Variants in MYO16 observed in about 807,000 individuals in gnomAD.
The protein encoded by MYO16 is unconventional myosin-XVI.
Under a neutral mutation model 205.3 loss-of-function variants are expected in MYO16, and 94 were observed. The observed-to-expected ratio is 0.46, with a 90% CI of 0.39 to 0.54. The LOEUF is 0.54. Ranked by LOEUF, MYO16 falls within the 20% of genes least tolerant of loss-of-function variation. MYO16 has a pLI of 0.00. For synonymous variants in MYO16, 988 were observed against 954.0 expected (o/e 1.04, Z -0.66); for missense variants, 2,315 against 2,387.5 (o/e 0.97, Z 0.63).
At chr13:108,581,763 G>A in the MYO16 span, among the ~76,000 whole-genome samples, 1 of 151,632 alleles carries the variant, frequency 6.6e-6, no homozygotes, top group Non-Finnish European at 1.5e-5. Context: ...GTGGGCACCT[G>A]TATTCCAGCT....
intron 20 of MYO16, among the ~76,000 whole-genome samples, chr13:108,990,601 A>G (rs1035093475): frequency 1.3e-5 from 2 of 152,164 alleles, no homozygotes; most frequent in African/African-American, 4.8e-5. Context: ...TGTACACACT[A>G]TGAGTTATAA....
At chr13:108,575,334 G>A in the MYO16 span, among the ~76,000 whole-genome samples, 9 of 152,244 alleles carry the variant, frequency 5.9e-5, no homozygotes, top group East Asian at 5.8e-4. Context: ...GTCCTAGGAC[G>A]ACATCATACA....
intron 11 of MYO16, among the ~76,000 whole-genome samples, chr13:108,860,701 TC>T (rs1878410298): frequency 6.6e-6 from 1 of 152,140 alleles, no homozygotes; most frequent in African/African-American, 2.4e-5. Flanking sequence ...AGGAAAAGAT[TC>T]CCTCTTCAAT....
At chr13:108,985,645 G>A (rs1884601446) in intron 20 of MYO16, among the ~76,000 whole-genome samples, 1 of 152,210 alleles carries the variant, frequency 6.6e-6, no homozygotes, top group African/African-American at 2.4e-5. Flanking sequence ...CATCTTGCTG[G>A]TAATTTGCTT....
At chr13:108,706,228 T>G (rs913087552) in intron 2 of MYO16, among the ~76,000 whole-genome samples, 5 of 152,154 alleles carry the variant, frequency 3.3e-5, no homozygotes, top group Non-Finnish European at 4.4e-5. Flanking sequence ...ATGTGACAAA[T>G]TAAAATTGAA....
chr13:108,708,150 A>C (rs1459310781), intron 2 of MYO16, among the ~76,000 whole-genome samples: 4 of 152,152 alleles, frequency 2.6e-5, no homozygotes, highest in Admixed American at 2.6e-4. Flanking sequence ...ATACATCCTA[A>C]AGTTTGAGCT....
At chr13:109,053,704 C>T (rs1243463870) in intron 25 of MYO16, among the ~76,000 whole-genome samples, 1 of 152,102 alleles carries the variant, frequency 6.6e-6, no homozygotes, top group Non-Finnish European at 1.5e-5. Flanking sequence ...GGACAGACAG[C>T]TATTTATTAT....
chr13:109,161,662 C>G (rs1466387308), intron 32 of MYO16, among the ~76,000 whole-genome samples: 1 of 152,086 alleles, frequency 6.6e-6, no homozygotes, highest in Non-Finnish European at 1.5e-5. Context: ...TTCCCTTATT[C>G]CCATCCAGAG....
At position 109,206,826 on chromosome 13, in the gene MYO16, C is replaced by A. The variant is rs778405798; in HGVS notation, c.5633C>A (p.Thr1878Asn). The change falls in exon 35 of 35, where the codon ACC becomes AAC. Residue 1878 changes from threonine (T) to asparagine (N), a missense_variant. Around this residue, in one of 3 missense-constraint regions of MYO16, gnomAD observed 1,097 missense variants for 1,092.0 expected, o/e 1.00. Coordinates refer to ENST00000457511, the MANE Select transcript of MYO16 (RefSeq NM_001198950.3). ...CNRLPSELWD[T>N]TI ...AGGCTGCCGTCTGAGCTCTGGGACA[C>A]CACCATTTGATGTGGCCTGAACTGC... 1.9e-6 allele frequency: 3 copies of A among 1,613,756 alleles called. No homozygotes were observed. The highest frequency in any genetic ancestry group is 2.5e-6 in the Non-Finnish European group (3 of 1,179,854).
At chr13:108,901,470 G>A (rs186815244) in intron 15 of MYO16, among the ~76,000 whole-genome samples, 29 of 152,240 alleles carry the variant, frequency 1.9e-4, no homozygotes, top group African/African-American at 1.9e-4. Flanking sequence ...GTGAAATATC[G>A]GGGGTGAATT....
chr13:108,957,901 A>G (rs1883437937), intron 17 of MYO16, 102 bp downstream of exon 17: 1 of 925,748 alleles, frequency 1.1e-6, no homozygotes, highest in Non-Finnish European at 1.7e-6. Context: ...GACATTCCAG[A>G]TGTTGCCGAG....
Position 108,723,280 on chromosome 13 carries a change from GA to G in MYO16, c.364-4158del, listed in dbSNP as rs567549074. Among the ~76,000 whole-genome samples, 458 of 152,008 alleles carry G rather than the reference GA, an allele frequency of 3.0e-3. 2 individuals carry two copies. The highest frequency in any genetic ancestry group is 0.01 in the African/African-American group (424 of 41,474). On this transcript the variant is annotated intron_variant, in intron 3 of 34. Transcript: ENST00000457511. ...TGTCTTTAACAGATGGGTGTTTTGT[GA>G]ATATTTTGTCTTAGGTTATGGCTTG... is the stretch of plus-strand genomic sequence containing the variant.
intron 4 of MYO16, among the ~76,000 whole-genome samples, chr13:108,757,441 C>A (rs1885455189): frequency 6.6e-6 from 1 of 152,116 alleles, no homozygotes; most frequent in Non-Finnish European, 1.5e-5. Flanking sequence ...GACTTACAGT[C>A]ATACTTAAAG....
At chr13:108,687,097 A>T (rs1314938603) in intron 2 of MYO16, among the ~76,000 whole-genome samples, 2 of 152,264 alleles carry the variant, frequency 1.3e-5, no homozygotes, top group Non-Finnish European at 2.9e-5. Flanking sequence ...GTTTTCAGAT[A>T]ACAAGGATTC....
the MYO16 span, among the ~76,000 whole-genome samples, chr13:108,566,572 C>T: frequency 2.6e-5 from 4 of 151,144 alleles, no homozygotes; most frequent in Non-Finnish European, 5.9e-5. Flanking sequence ...GCAGAGGTTG[C>T]AGTGAGCAGA....
At chr13:109,135,988 A>G (rs1355561080) in intron 31 of MYO16, among the ~76,000 whole-genome samples, 1 of 152,050 alleles carries the variant, frequency 6.6e-6, no homozygotes, top group Non-Finnish European at 1.5e-5. Context: ...CTTCATCTTT[A>G]GATCATGTTT....
chr13:108,535,408 A>G, the MYO16 span, among the ~76,000 whole-genome samples: 1 of 152,176 alleles, frequency 6.6e-6, no homozygotes, highest in Non-Finnish European at 1.5e-5. Context: ...ATCATTCCGG[A>G]CCAGAATCCT....
chr13:108,855,609 T>A, intron 11 of MYO16, 56 bp downstream of exon 11: 1 of 1,243,444 alleles, frequency 8.0e-7, no homozygotes, highest in Non-Finnish European at 1.1e-6. Flanking sequence ...CATATTTTTA[T>A]CACCCTTCAG....
chr13:108,785,385 G>A (rs1264265886), intron 4 of MYO16, among the ~76,000 whole-genome samples: 14 of 152,186 alleles, frequency 9.2e-5, no homozygotes. Context: ...TAGCAAAGGG[G>A]TGAGGAGAGG....
Sources: gnomAD v4.1 joint callset for allele counts (sites outside exome capture counted in the v4.1 genomes callset) on GRCh38, gnomAD v4.1.1 for gene constraint, gnomAD v4.1.1 regional missense constraint, MANE v1.5 for transcripts, NCBI Gene and HGNC (gene_info 2026-07-23, HGNC 2026-07-21) for gene names.